Variants in CARD8 observed in about 807,000 individuals in gnomAD.
CARD8 encodes caspase recruitment domain-containing protein 8.
Under a neutral mutation model 53.2 loss-of-function variants are expected in CARD8, and 38 were observed. The ratio of observed to expected loss-of-function variants is 0.71; its 90% CI spans 0.55 to 0.94. CARD8 has a LOEUF of 0.94. Ranked by LOEUF, CARD8 falls within the 40% of genes least tolerant of loss-of-function variation. The pLI is 0.00. For missense variants in CARD8, 561 were observed against 655.5 expected (o/e 0.86, Z 1.57); for synonymous variants, 245 against 244.9 (o/e 1.00, Z 0.00).
intron 3 of CARD8, among the ~76,000 whole-genome samples, chr19:48,244,463 T>C (rs1166486770): frequency 2.0e-5 from 3 of 151,976 alleles, no homozygotes; most frequent in Admixed American, 6.6e-5. Flanking sequence ...CATAAAGAAG[T>C]CAGGAAGTGC....
rs111538292 is a variant in CARD8, at chr19:48,231,618, T to C, written c.542+42A>G. On this transcript the variant is annotated intron_variant, in intron 8 of 13. Transcript: ENST00000651546. ...ACGCCTGGCCTACACACTTCCTTTA[T>C]ATCAGAGTGGTTTTCAAATCATCAG... 8.7e-5 allele frequency: 135 copies of C among 1,549,388 alleles called. 2 individuals carry two copies. The African/African-American group carries it at 1.7e-3, about 19-fold the overall frequency.
At position 48,221,865 on chromosome 19, in the gene CARD8, A is replaced by G; in HGVS notation, c.1036-10T>C. 6.3e-7 allele frequency: 1 copy of G among 1,580,054 alleles called. No individual in the cohort carries two copies. The highest frequency in any genetic ancestry group is 8.6e-7 in the Non-Finnish European group (1 of 1,159,484). On this transcript the variant is annotated splice_polypyrimidine_tract_variant and intron_variant, in intron 10 of 13. Coordinates refer to ENST00000651546, the MANE Select transcript of CARD8 (RefSeq NM_001184900.3). Reference sequence around the variant, plus strand: ...CCTCATCATCTATCGCCTAAGGAAGAAGGGGCAGAAACATTAGAGAGCACA... The same window carrying G: ...CCTCATCATCTATCGCCTAAGGAAGGAGGGGCAGAAACATTAGAGAGCACA...
intron 4 of CARD8, among the ~76,000 whole-genome samples, chr19:48,240,013 T>C (rs919133400): frequency 2.2e-4 from 33 of 152,212 alleles, no homozygotes; most frequent in African/African-American, 7.2e-4. Context: ...CTTTATCACC[T>C]GACACCTCTC....
intron 1 of CARD8, among the ~76,000 whole-genome samples, chr19:48,251,031 T>A (rs1329988895): frequency 6.6e-6 from 1 of 152,176 alleles, no homozygotes; most frequent in Non-Finnish European, 1.5e-5. Flanking sequence ...GGGAGTTAGG[T>A]GAGACCTGGG....
At chr19:48,237,869 T>C (rs73061210) in intron 5 of CARD8, among the ~76,000 whole-genome samples, 43,669 of 151,826 alleles carry the variant, frequency 0.29, 6,535 homozygotes, top group Admixed American at 0.36. Context: ...TGCCCTTCTC[T>C]CCCAACTACT....
intron 13 of CARD8, among the ~76,000 whole-genome samples, chr19:48,214,296 T>G (rs548329034): frequency 6.6e-6 from 1 of 152,236 alleles, no homozygotes; most frequent in African/African-American, 2.4e-5. Flanking sequence ...CAGGTGATGG[T>G]CAGGCAGTTG....
At chr19:48,219,231 T>C (rs2039997328) in intron 11 of CARD8, among the ~76,000 whole-genome samples, 1 of 152,156 alleles carries the variant, frequency 6.6e-6, no homozygotes, top group East Asian at 1.9e-4. Context: ...CAACACCACA[T>C]GAGTCAGAGA....
chr19:48,220,954 A>AAGGAAGGAAGGAAAGAAGG (rs10638078), intron 11 of CARD8, among the ~76,000 whole-genome samples: 1 of 101,270 alleles, frequency 9.9e-6, no homozygotes, highest in Non-Finnish European at 2.0e-5. Flanking sequence ...AAAGGAAAGG[A>AAGGAAGGAAGGAAAGAAGG]AAGGAAGGAA....
intron 10 of CARD8, among the ~76,000 whole-genome samples, chr19:48,226,991 T>C (rs2041911706): frequency 1.3e-5 from 2 of 150,210 alleles, no homozygotes; most frequent in South Asian, 4.2e-4. Context: ...CGGTGAGGCA[T>C]GAGAATCACT....
intron 4 of CARD8, among the ~76,000 whole-genome samples, chr19:48,240,301 C>T (rs527391848): frequency 1.3e-5 from 2 of 152,274 alleles, no homozygotes; most frequent in South Asian, 4.1e-4. Flanking sequence ...GGGCGCCATG[C>T]TATGGGATTG....
rs1196433280 is a variant in CARD8 at position 48,208,183 on chromosome 19, G to A, written c.*3527C>T. 1 of 152,040 alleles carries A rather than the reference G, an allele frequency of 6.6e-6. No homozygotes were observed. Among genetic ancestry groups the A allele is most frequent in the Non-Finnish European group, 1.5e-5 (1 of 68,018 alleles). The allele number at this position is 152,040 out of a possible 1,614,324, so 9.4% of individuals were successfully genotyped here. On this transcript the variant is annotated 3_prime_UTR_variant, in exon 14 of 14. Transcript: ENST00000651546. ...ATGTAACAATTTAGTTCTACTTCAA[G>A]ATAAGGTATAGACAACTGCAAAATT...
At chr19:48,204,966 T>G (rs546642913), downstream of CARD8, among the ~76,000 whole-genome samples, 1 of 152,344 alleles carries the variant, frequency 6.6e-6, no homozygotes, top group East Asian at 1.9e-4. Flanking sequence ...CTCTGTTGTT[T>G]ATCTGAAATT....
Position 48,208,564 on chromosome 19 carries a change from C to T in CARD8, c.*3146G>A, listed in dbSNP as rs1477085833. The T allele has an allele frequency of 1.3e-5, 2 of 152,138 alleles. No individual in the cohort carries two copies. The highest frequency in any genetic ancestry group is 2.9e-5 in the Non-Finnish European group (2 of 68,030). The allele number at this position is 152,138 out of a possible 1,614,324, so 9.4% of individuals were successfully genotyped here. On this transcript the variant is annotated 3_prime_UTR_variant, in exon 14 of 14. Transcript: ENST00000651546. ...GTACATATCGGAACTACTGAGAATA[C>T]AAGGATGAGCTGCAAAAATCTCCAC...
intron 1 of CARD8, among the ~76,000 whole-genome samples, chr19:48,252,470 A>G (rs1169769476): frequency 6.6e-6 from 1 of 150,494 alleles, no homozygotes; most frequent in African/African-American, 2.4e-5. Flanking sequence ...TAAGTAAAAC[A>G]TATGTAAGAA....
downstream of CARD8, among the ~76,000 whole-genome samples, chr19:48,205,974 T>C (rs1297399600): frequency 6.6e-6 from 1 of 152,196 alleles, no homozygotes; most frequent in Non-Finnish European, 1.5e-5. Context: ...TTTGGCTCAC[T>C]GCAACCTCCA....
chr19:48,208,383 T>C lies in CARD8; in HGVS notation c.*3327A>G, dbSNP rs1392654593. 1 of 152,168 alleles carries C rather than the reference T, an allele frequency of 6.6e-6. No homozygotes were observed. The highest frequency in any genetic ancestry group is 1.5e-5 in the Non-Finnish European group (1 of 68,022). The allele number at this position is 152,168 out of a possible 1,614,324, so 9.4% of individuals were successfully genotyped here. A position where few individuals can be genotyped will look rare whatever the true frequency, so the allele number is the denominator to read the frequency against. On this transcript the variant is annotated 3_prime_UTR_variant, in exon 14 of 14. Transcript: ENST00000651546. Reference sequence around the variant, plus strand: ...ACAGGATACACTGCACCCAATCTCATAGGCACACACAGGATAGATCCGAAT... The same window carrying C: ...ACAGGATACACTGCACCCAATCTCACAGGCACACACAGGATAGATCCGAAT...
At chr19:48,205,036 GT>G (rs1168258224), downstream of CARD8, among the ~76,000 whole-genome samples, 1 of 152,182 alleles carries the variant, frequency 6.6e-6, no homozygotes, top group Non-Finnish European at 1.5e-5. Flanking sequence ...TAATTTAAGT[GT>G]TTGTGAAGAG....
chr19:48,241,266 T>G (rs1010352481), intron 3 of CARD8, among the ~76,000 whole-genome samples: 2 of 151,142 alleles, frequency 1.3e-5, no homozygotes, highest in East Asian at 3.9e-4. Flanking sequence ...AGAAACTTCC[T>G]TTTTTTTTAG....
At chr19:48,251,714 G>C (rs1375698460) in intron 1 of CARD8, among the ~76,000 whole-genome samples, 2 of 151,960 alleles carry the variant, frequency 1.3e-5, no homozygotes, top group Admixed American at 6.6e-5. Flanking sequence ...AATGGATTTG[G>C]CATACATCCG....
Sources: gnomAD v4.1 joint callset for allele counts (sites outside exome capture counted in the v4.1 genomes callset) on GRCh38, gnomAD v4.1.1 for gene constraint, MANE v1.5 for transcripts, NCBI Gene and HGNC (gene_info 2026-07-23, HGNC 2026-07-21) for gene names.